Variants in KIAA0825 observed in about 807,000 individuals in gnomAD.
KIAA0825 encodes KIAA0825, also known as uncharacterized protein KIAA0825.
Under a neutral mutation model 147.6 loss-of-function variants are expected in KIAA0825, and 119 were observed. That is an observed-to-expected ratio of 0.81 (90% confidence interval 0.69 to 0.94). The LOEUF is 0.94. Ranked by LOEUF, KIAA0825 falls within the 40% of genes least tolerant of loss-of-function variation. The probability of loss-of-function intolerance (pLI) is 0.00; values close to 1 mark genes in which losing one functional copy is unlikely to be tolerated. For synonymous variants in KIAA0825, 470 were observed against 518.1 expected (o/e 0.91, Z 1.26); for missense variants, 1,381 against 1,472.7 (o/e 0.94, Z 1.02).
intron 10 of KIAA0825, among the ~76,000 whole-genome samples, chr5:94,469,524 A>G (rs1285041897): frequency 6.6e-6 from 1 of 152,250 alleles, no homozygotes; most frequent in African/African-American, 2.4e-5. Flanking sequence ...AAGGAAAAAA[A>G]TAAGTATAAA....
chr5:94,227,325 C>T (rs1774276442), intron 20 of KIAA0825, among the ~76,000 whole-genome samples: 1 of 151,782 alleles, frequency 6.6e-6, no homozygotes, highest in Non-Finnish European at 1.5e-5. Context: ...CATATTCTCA[C>T]TCATAGGTGG....
chr5:94,231,321 A>G (rs1237931234), intron 20 of KIAA0825, among the ~76,000 whole-genome samples: 1 of 152,120 alleles, frequency 6.6e-6, no homozygotes, highest in Non-Finnish European at 1.5e-5. Context: ...CAGTAAACTG[A>G]TATGTACCCA....
chr5:94,556,297 C>T (rs1382515751), intron 2 of KIAA0825, among the ~76,000 whole-genome samples: 1 of 152,068 alleles, frequency 6.6e-6, no homozygotes, highest in Non-Finnish European at 1.5e-5. Flanking sequence ...CCAGGTTGGT[C>T]TGGAAGTGAT....
intron 2 of KIAA0825, among the ~76,000 whole-genome samples, chr5:94,576,266 A>G (rs536791142): frequency 1.3e-5 from 2 of 152,272 alleles, no homozygotes; most frequent in African/African-American, 4.8e-5. Context: ...TCATGTTGCT[A>G]TGGTTTGAAT....
intron 20 of KIAA0825, among the ~76,000 whole-genome samples, chr5:94,170,515 A>G (rs1490356665): frequency 6.6e-6 from 1 of 152,190 alleles, no homozygotes; most frequent in Non-Finnish European, 1.5e-5. Flanking sequence ...AACGAGAAGT[A>G]CTGCTTTCTC....
intron 1 of KIAA0825, among the ~76,000 whole-genome samples, chr5:94,584,734 A>G (rs1243001166): frequency 6.6e-6 from 1 of 152,142 alleles, no homozygotes; most frequent in African/African-American, 2.4e-5. Context: ...AAGACACACA[A>G]TCGTCAGATT....
intron 20 of KIAA0825, among the ~76,000 whole-genome samples, chr5:94,367,490 C>T (rs1454276497): frequency 6.6e-6 from 1 of 151,696 alleles, no homozygotes. Context: ...AAGAGCGACA[C>T]TCGATCTCAA....
intron 2 of KIAA0825, among the ~76,000 whole-genome samples, chr5:94,539,314 G>A (rs906275268): frequency 2.0e-5 from 3 of 152,154 alleles, no homozygotes; most frequent in African/African-American, 4.8e-5. Context: ...TGTCTATGGA[G>A]TAACCATTCT....
intron 7 of KIAA0825, among the ~76,000 whole-genome samples, chr5:94,474,630 A>G (rs758436607): frequency 6.6e-6 from 1 of 152,220 alleles, no homozygotes; most frequent in Non-Finnish European, 1.5e-5. Flanking sequence ...GTACAAAGTA[A>G]TAAAGGTGAT....
At chr5:94,595,231 C>A (rs1168279367) in intron 1 of KIAA0825, among the ~76,000 whole-genome samples, 1 of 152,206 alleles carries the variant, frequency 6.6e-6, no homozygotes, top group Non-Finnish European at 1.5e-5. Context: ...GAGGGCTACA[C>A]CCCTGCAGCA....
intron 20 of KIAA0825, among the ~76,000 whole-genome samples, chr5:94,299,086 A>G (rs929056391): frequency 3.9e-5 from 6 of 152,222 alleles, no homozygotes; most frequent in African/African-American, 1.4e-4. Flanking sequence ...TTTTGTTTCC[A>G]TTCAGTTTTA....
At chr5:94,159,226 C>T (rs1370000177) in intron 20 of KIAA0825, among the ~76,000 whole-genome samples, 7 of 152,130 alleles carry the variant, frequency 4.6e-5, no homozygotes, top group African/African-American at 1.4e-4. Flanking sequence ...AGATTCCTCC[C>T]AGTAGACATG....
chr5:94,405,123 G>A (rs867576707), intron 15 of KIAA0825, among the ~76,000 whole-genome samples: 2 of 152,322 alleles, frequency 1.3e-5, no homozygotes, highest in East Asian at 1.9e-4. Flanking sequence ...TTTAGGCTAT[G>A]AGCAGCAATC....
At chr5:94,237,956 T>C (rs1481235164) in intron 20 of KIAA0825, among the ~76,000 whole-genome samples, 1 of 152,162 alleles carries the variant, frequency 6.6e-6, no homozygotes, top group African/African-American at 2.4e-5. Flanking sequence ...ACAGAGCTCA[T>C]TACGTGTCTG....
intron 5 of KIAA0825, among the ~76,000 whole-genome samples, chr5:94,485,804 G>A (rs1762986597): frequency 6.6e-6 from 1 of 151,574 alleles, no homozygotes; most frequent in South Asian, 2.1e-4. Context: ...CCTTATAAGT[G>A]TTGTTCCTAT....
chr5:94,190,552 A>G (rs965688947), intron 20 of KIAA0825, among the ~76,000 whole-genome samples: 8 of 149,544 alleles, frequency 5.3e-5, no homozygotes, highest in African/African-American at 1.7e-4. Context: ...GGAGAAGACA[A>G]TCCTTGCCTT....
At chr5:94,544,951 G>A (rs756925439) in intron 2 of KIAA0825, among the ~76,000 whole-genome samples, 8 of 152,110 alleles carry the variant, frequency 5.3e-5, no homozygotes, top group Non-Finnish European at 1.2e-4. Context: ...GACACCGAGA[G>A]GATAGAAAAC....
At chr5:94,489,887 CAAAAAAAA>C (rs747717616) in intron 5 of KIAA0825, among the ~76,000 whole-genome samples, 2 of 58,162 alleles carry the variant, frequency 3.4e-5, no homozygotes, top group African/African-American at 6.1e-5. Flanking sequence ...GACTCTGTCT[CAAAAAAAA>C]AAAAAAAAAA....
rs1186452656 is a variant in KIAA0825, at chr5:94,602,799, T to C, written c.-153+15701A>G. On this transcript the variant is annotated intron_variant, in intron 1 of 20. Coordinates refer to ENST00000682413, the MANE Select transcript of KIAA0825 (RefSeq NM_001145678.3). ...GGAACTGTGAGTCAATTAAACCTCCTCCCTTTGTAAATTGCCCAATCTCGG... is the reference window on the plus strand; with the variant it reads ...GGAACTGTGAGTCAATTAAACCTCCCCCCTTTGTAAATTGCCCAATCTCGG... 3.3e-5 allele frequency among the ~76,000 whole-genome samples: 5 copies of C among 151,580 alleles called. No homozygotes were observed. The East Asian group carries it at 9.7e-4, about 29-fold the overall frequency.
Sources: gnomAD v4.1 joint callset for allele counts (sites outside exome capture counted in the v4.1 genomes callset) on GRCh38, gnomAD v4.1.1 for gene constraint, MANE v1.5 for transcripts, NCBI Gene and HGNC (gene_info 2026-07-23, HGNC 2026-07-21) for gene names.